Variants in TMPRSS11D observed in about 807,000 individuals in gnomAD.
The protein encoded by TMPRSS11D is transmembrane serine protease 11D.
In TMPRSS11D, 32 loss-of-function variants were observed where a neutral mutation model predicts 44.4. The observed-to-expected ratio is 0.72, with a 90% CI of 0.54 to 0.97. TMPRSS11D has a LOEUF of 0.97. Ranked by LOEUF, TMPRSS11D falls within the 50% of genes least tolerant of loss-of-function variation. The pLI, the probability that TMPRSS11D is intolerant of heterozygous loss-of-function variation, is 0.00. For missense variants in TMPRSS11D, 446 were observed against 502.6 expected (o/e 0.89, Z 1.08); for synonymous variants, 179 against 177.9 (o/e 1.01, Z -0.05).
chr4:67,854,293 T>C, intron 2 of TMPRSS11D, 107 bp from the exon 3 acceptor site: 1 of 575,424 alleles, frequency 1.7e-6, no homozygotes, highest in East Asian at 3.3e-5. Context: ...AAAAATTTGC[T>C]TTCCTTGAAA....
intron 1 of TMPRSS11D, among the ~76,000 whole-genome samples, chr4:67,871,714 T>C (rs1719065438): frequency 6.6e-6 from 1 of 152,190 alleles, no homozygotes; most frequent in Non-Finnish European, 1.5e-5. Flanking sequence ...AAGTGTGGAT[T>C]CTTGCTTCCA....
At chr4:67,867,364 GA>G (rs1422707069) in intron 1 of TMPRSS11D, among the ~76,000 whole-genome samples, 1 of 152,034 alleles carries the variant, frequency 6.6e-6, no homozygotes, top group East Asian at 1.9e-4. Flanking sequence ...TTTATGATCT[GA>G]AACTATTAAA....
At chr4:67,859,066 T>G (rs1422113211) in intron 2 of TMPRSS11D, among the ~76,000 whole-genome samples, 1 of 152,144 alleles carries the variant, frequency 6.6e-6, no homozygotes, top group African/African-American at 2.4e-5. Context: ...CTGTTAGGCT[T>G]GTAAGACACT....
chr4:67,855,071 A>G (rs111450167), intron 2 of TMPRSS11D, among the ~76,000 whole-genome samples: 36,849 of 151,978 alleles, frequency 0.24, 4,896 homozygotes, highest in East Asian at 0.37. Flanking sequence ...CCTGGCCAAC[A>G]TGGTGAAACC....
intron 7 of TMPRSS11D, among the ~76,000 whole-genome samples, chr4:67,832,710 C>G (rs984026730): frequency 2.0e-5 from 3 of 150,058 alleles, no homozygotes; most frequent in African/African-American, 4.9e-5. Context: ...ACTCAATAAT[C>G]TTTATGAATG....
intron 4 of TMPRSS11D, 39 bp downstream of exon 4, chr4:67,842,519 G>A (rs1484053420): frequency 6.5e-7 from 1 of 1,534,444 alleles, no homozygotes; most frequent in Non-Finnish European, 9.0e-7. Context: ...ATGCCACATT[G>A]TATCTATACT....
chr4:67,834,023 A>G (rs1218560063), intron 6 of TMPRSS11D, among the ~76,000 whole-genome samples: 1 of 152,144 alleles, frequency 6.6e-6, no homozygotes, highest in African/African-American at 2.4e-5. Flanking sequence ...AGGGTGACAG[A>G]GGGTTTCTAG....
intron 1 of TMPRSS11D, among the ~76,000 whole-genome samples, chr4:67,876,323 G>C (rs1454905215): frequency 1.3e-5 from 2 of 152,086 alleles, no homozygotes; most frequent in Non-Finnish European, 2.9e-5. Flanking sequence ...AAAGTACTTA[G>C]ATTCTGTTGT....
Position 67,827,623 on chromosome 4 carries a change from G to T in TMPRSS11D, c.693-103C>A, listed in dbSNP as rs1420186174. ...CTGTACCACTATCTAGAAACTATTG[G>T]ATCCACATCTCTTTGCTATATTTTC... On this transcript the variant is annotated intron_variant, in intron 7 of 9. Coordinates refer to ENST00000283916, the MANE Select transcript of TMPRSS11D (RefSeq NM_004262.3). The T allele has an allele frequency of 3.2e-6, 4 of 1,245,450 alleles. No homozygotes were observed. The African/African-American group carries it at 4.6e-5, about 14-fold the overall frequency. The allele number at this position is 1,245,450 out of a possible 1,614,324, so 77.1% of individuals were successfully genotyped here. A position where few individuals can be genotyped will look rare whatever the true frequency, so the allele number is the denominator to read the frequency against.
chr4:67,843,342 A>T (rs994857737), intron 3 of TMPRSS11D, among the ~76,000 whole-genome samples: 5 of 152,084 alleles, frequency 3.3e-5, no homozygotes, highest in Non-Finnish European at 7.4e-5. Flanking sequence ...GATGAAATGA[A>T]TAAGACCTCG....
chr4:67,863,879 C>T (rs1718853843), intron 1 of TMPRSS11D, among the ~76,000 whole-genome samples: 1 of 151,940 alleles, frequency 6.6e-6, no homozygotes, highest in African/African-American at 2.4e-5. Flanking sequence ...ATACCTAGAA[C>T]TGAAGATTTT....
At chr4:67,840,295 A>C (rs7654481) in intron 4 of TMPRSS11D, among the ~76,000 whole-genome samples, 2 of 151,774 alleles carry the variant, frequency 1.3e-5, no homozygotes, top group South Asian at 2.1e-4. Flanking sequence ...TCTTTCTTAC[A>C]TGGTGGCAGG....
intron 3 of TMPRSS11D, among the ~76,000 whole-genome samples, chr4:67,846,564 C>T (rs1451440745): frequency 6.6e-6 from 1 of 152,170 alleles, no homozygotes; most frequent in Non-Finnish European, 1.5e-5. Context: ...TTCATTAAAT[C>T]ATGACACTAA....
intron 7 of TMPRSS11D, among the ~76,000 whole-genome samples, chr4:67,830,535 T>C (rs1717921365): frequency 6.6e-6 from 1 of 152,232 alleles, no homozygotes; most frequent in South Asian, 2.1e-4. Context: ...AATACTTTTA[T>C]AAGACACAGT....
At chr4:67,871,267 A>T (rs892601697) in intron 1 of TMPRSS11D, among the ~76,000 whole-genome samples, 3 of 152,202 alleles carry the variant, frequency 2.0e-5, no homozygotes, top group African/African-American at 7.2e-5. Flanking sequence ...TTCCCTTTCA[A>T]GTCAGAGCTG....
chr4:67,838,804 A>C (rs1718164817), intron 4 of TMPRSS11D, among the ~76,000 whole-genome samples: 2 of 152,166 alleles, frequency 1.3e-5, no homozygotes, highest in Admixed American at 1.3e-4. Context: ...TAGGGTTGTA[A>C]ATTTGTGTGA....
intron 6 of TMPRSS11D, 198 bp from the exon 7 acceptor site, chr4:67,833,579 GA>G (rs1341445273): frequency 2.3e-6 from 1 of 434,460 alleles, no homozygotes. Context: ...TAGCATTTTG[GA>G]GAACATTTCT....
chr4:67,880,782 C>A (rs547378057), intron 1 of TMPRSS11D, among the ~76,000 whole-genome samples: 228 of 152,168 alleles, frequency 1.5e-3, no homozygotes, highest in African/African-American at 5.0e-3. Flanking sequence ...ACTTGTACCA[C>A]CATGCCCATC....
chr4:67,869,428 A>G (rs932187862), intron 1 of TMPRSS11D, among the ~76,000 whole-genome samples: 2 of 152,196 alleles, frequency 1.3e-5, no homozygotes, highest in Non-Finnish European at 2.9e-5. Flanking sequence ...TATACGCTAT[A>G]TAATTTATAA....
Sources: allele counts gnomAD v4.1 joint callset (sites outside exome capture counted in the v4.1 genomes callset), GRCh38; gene constraint gnomAD v4.1.1; transcripts MANE v1.5; gene names NCBI Gene and HGNC (gene_info 2026-07-23, HGNC 2026-07-21).